RPS6KA2: variants seen among roughly 807,000 people sequenced by gnomAD.
RPS6KA2 encodes ribosomal protein S6 kinase A2.
In RPS6KA2, 42 loss-of-function variants were observed where a neutral mutation model predicts 91.8. The observed-to-expected ratio is 0.46, with a 90% CI of 0.36 to 0.59. The LOEUF is 0.59. RPS6KA2 is among the 20% of genes least tolerant of loss of function. The pLI is 0.00. For missense variants in RPS6KA2, 798 were observed against 978.5 expected, an observed-to-expected ratio of 0.82 and a Z score of 2.46; for synonymous variants, 414 against 393.6, an observed-to-expected ratio of 1.05 and a Z score of -0.61.
chr6:166,829,418 C>T (rs955285692), intron 2 of RPS6KA2, among the ~76,000 whole-genome samples: 12 of 151,526 alleles, frequency 7.9e-5, no homozygotes, highest in South Asian at 6.3e-4. Flanking sequence ...AGAGAAACCC[C>T]GTCTCTACTA....
chr6:166,807,022 T>C (rs1779508837), intron 2 of RPS6KA2, among the ~76,000 whole-genome samples: 1 of 152,172 alleles, frequency 6.6e-6, no homozygotes, highest in Non-Finnish European at 1.5e-5. Flanking sequence ...TATACACATA[T>C]AAATTTAAAT....
In RPS6KA2 at chr6:166,423,031, G is replaced by GT. The variant is rs1440042078; in HGVS notation, c.1743+224dup. The stretch of plus-strand genomic sequence containing the variant: ...TACATAAAAATGTTACTGTTGAAAA[G>GT]TTTTTTCAAATGGGAAAATGAGAAT... On this transcript the variant is annotated intron_variant, in intron 17 of 20. Coordinates refer to ENST00000265678, the MANE Select transcript of RPS6KA2 (RefSeq NM_021135.6). This position sits in a 1 kb window ranked among gnomAD's most constrained non-coding sequence, Gnocchi z 4.8. 6.6e-6 allele frequency among the ~76,000 whole-genome samples: 1 copy of GT among 152,192 alleles called. No individual in the cohort carries two copies. The highest frequency in any genetic ancestry group is 1.5e-5 in the Non-Finnish European group (1 of 68,032).
At chr6:166,558,974 G>A (rs987931204) in intron 1 of RPS6KA2, among the ~76,000 whole-genome samples, 3 of 152,174 alleles carry the variant, frequency 2.0e-5, no homozygotes, top group African/African-American at 7.2e-5. Context: ...GTATTTTGTG[G>A]TTTTGTGCTT....
chr6:166,470,899 T>G (rs1780741707), intron 10 of RPS6KA2, among the ~76,000 whole-genome samples: 1 of 152,202 alleles, frequency 6.6e-6, no homozygotes, highest in Admixed American at 6.5e-5. Flanking sequence ...CTGTGTTTTC[T>G]CCAGGATGGG....
rs1054871660 is a variant in RPS6KA2, at chr6:166,639,743, T to G, written c.124-100959A>C. On this transcript the variant is annotated intron_variant, in intron 2 of 21. Transcript: ENST00000503859. The surrounding 1 kb of genome is among the most constrained non-coding windows in gnomAD (Gnocchi z 4.2). ...GCTCTGCCTCTGCCCACTGGCCACA[T>G]CTCCTTCCAGCATCTTCCAGACCCA... Among the ~76,000 whole-genome samples, 1 of 152,068 alleles carries G rather than the reference T, an allele frequency of 6.6e-6. No individual in the cohort carries two copies. Among genetic ancestry groups the G allele is most frequent in the Non-Finnish European group, 1.5e-5 (1 of 68,012 alleles).
At chr6:166,844,557 A>C (rs556721241) in intron 2 of RPS6KA2, among the ~76,000 whole-genome samples, 1 of 152,378 alleles carries the variant, frequency 6.6e-6, no homozygotes, top group Non-Finnish European at 1.5e-5. Flanking sequence ...AACCTATAAG[A>C]TTAACAGCAG....
intron 2 of RPS6KA2, among the ~76,000 whole-genome samples, chr6:166,682,029 A>G (rs1788833521): frequency 6.6e-6 from 1 of 152,162 alleles, no homozygotes; most frequent in African/African-American, 2.4e-5. Flanking sequence ...TAACCAATGT[A>G]TTAATAGTAA....
rs1299743385 is a variant in RPS6KA2 at position 166,635,236 on chromosome 6, G to A, written c.124-96452C>T. On this transcript the variant is annotated intron_variant, in intron 2 of 21. Coordinates refer to the RPS6KA2 transcript ENST00000503859. This position sits in a 1 kb window ranked among gnomAD's most constrained non-coding sequence, Gnocchi z 4.8. ...GAGCCCAGTGTCATTCATCAACCCA[G>A]GTCCTCTGCGCATCTACTGTGCCTG... is the stretch of plus-strand genomic sequence containing the variant. Among the ~76,000 whole-genome samples the A allele has an allele frequency of 6.6e-6, 1 of 152,200 alleles. No individual in the cohort carries two copies.
intron 1 of RPS6KA2, among the ~76,000 whole-genome samples, chr6:166,596,753 A>G (rs1785547943): frequency 6.6e-6 from 1 of 152,172 alleles, no homozygotes; most frequent in Non-Finnish European, 1.5e-5. Flanking sequence ...TCCCTTTCAC[A>G]TATACATCTA....
chr6:166,748,515 TG>T (rs1358366130), intron 2 of RPS6KA2, among the ~76,000 whole-genome samples: 1 of 150,520 alleles, frequency 6.6e-6, no homozygotes, highest in African/African-American at 2.4e-5. Context: ...TCAGCCTCCA[TG>T]GGGGCCCCAC....
At chr6:166,555,847 A>G (rs1051901882) in intron 1 of RPS6KA2, among the ~76,000 whole-genome samples, 1 of 152,116 alleles carries the variant, frequency 6.6e-6, no homozygotes, top group African/African-American at 2.4e-5. Context: ...ACTTATAGGT[A>G]AAAATATACT....
chr6:166,829,074 G>A lies in RPS6KA2; in HGVS notation c.123+29126C>T, dbSNP rs142744703. Among the ~76,000 whole-genome samples the A allele has an allele frequency of 3.1e-3, 477 of 152,268 alleles. 3 individuals are homozygous for A. Among genetic ancestry groups the A allele is most frequent in the Admixed American group, 0.017 (253 of 15,300 alleles). ...ACAGAAGACTACAGGTGACCAATAA[G>A]CACACGGAGAAACGCTCAACATCAC... On this transcript the variant is annotated intron_variant, in intron 2 of 21. Coordinates refer to the RPS6KA2 transcript ENST00000503859.
rs763298724 is a variant in RPS6KA2 at position 166,413,775 on chromosome 6, C to T, written c.2076+19G>A. 1 of 1,613,382 alleles carries T rather than the reference C, an allele frequency of 6.2e-7. No individual in the cohort carries two copies. Among genetic ancestry groups the T allele is most frequent in the Non-Finnish European group, 8.5e-7 (1 of 1,179,626 alleles). ...TTTCCCATTCCCACCACTCTGTCCT[C>T]ACTGTCGCCTGCCGGTACCTTCACC... is the stretch of plus-strand genomic sequence containing the variant. On this transcript the variant is annotated intron_variant, in intron 20 of 20. Transcript: ENST00000265678.
chr6:166,759,222 A>G (rs922764502), intron 2 of RPS6KA2, among the ~76,000 whole-genome samples: 6 of 152,218 alleles, frequency 3.9e-5, no homozygotes, highest in African/African-American at 1.4e-4. Flanking sequence ...CCTACTTTCC[A>G]CTATGGGAAC....
chr6:166,697,673 AGCTGTGGGCCGGATCCCAGAAGGGAG>A (rs1477870126), intron 2 of RPS6KA2, among the ~76,000 whole-genome samples: 2 of 152,214 alleles, frequency 1.3e-5, no homozygotes, highest in African/African-American at 2.4e-5. Context: ...TGGACTGTTC[AGCTGTGGGCCGGATCCCAGAAGGGAG>A]GCTAATATCT....
intron 5 of RPS6KA2, among the ~76,000 whole-genome samples, chr6:166,507,497 G>C (rs1782279178): frequency 6.8e-6 from 1 of 146,144 alleles, no homozygotes; most frequent in Non-Finnish European, 1.5e-5. Flanking sequence ...CAAACACACA[G>C]ACACCCCACA....
chr6:166,523,534 T>C (rs1246164459), intron 3 of RPS6KA2, among the ~76,000 whole-genome samples: 2 of 152,178 alleles, frequency 1.3e-5, no homozygotes, highest in African/African-American at 4.8e-5. Context: ...CCTTGTGCCT[T>C]AGTTTCATCA....
At chr6:166,834,641 A>C (rs1023022101) in intron 2 of RPS6KA2, among the ~76,000 whole-genome samples, 7 of 152,184 alleles carry the variant, frequency 4.6e-5, no homozygotes, top group African/African-American at 9.7e-5. Context: ...GTCTGTTTAA[A>C]TCTTTTGCCC....
intron 2 of RPS6KA2, among the ~76,000 whole-genome samples, chr6:166,743,761 G>A (rs1790886447): frequency 6.6e-6 from 1 of 152,104 alleles, no homozygotes; most frequent in Non-Finnish European, 1.5e-5. Flanking sequence ...AACAAACCAG[G>A]CCCACGGCAG....
Sources: gnomAD v4.1 joint callset for allele counts (sites outside exome capture counted in the v4.1 genomes callset) on GRCh38, gnomAD v4.1.1 for gene constraint, Gnocchi (gnomAD v3.1) non-coding constraint, MANE v1.5 for transcripts, NCBI Gene and HGNC (gene_info 2026-07-23, HGNC 2026-07-21) for gene names.